Variants in PALLD observed in about 807,000 individuals in gnomAD.
The protein encoded by PALLD is palladin.
A neutral mutation model predicts 123.5 loss-of-function variants in PALLD; 61 were observed. The ratio of observed to expected loss-of-function variants is 0.49; its 90% CI spans 0.40 to 0.61. PALLD has a LOEUF of 0.61. PALLD is among the 20% of genes least tolerant of loss of function. PALLD has a pLI of 0.00. For synonymous variants in PALLD, 465 were observed against 496.4 expected (o/e 0.94, Z 0.84); for missense variants, 1,273 against 1,377.0 (o/e 0.92, Z 1.20).
At position 168,844,740 on chromosome 4, in the gene PALLD, C is replaced by T. The variant is rs987332751; in HGVS notation, c.1965-46182C>T. On this transcript the variant is annotated intron_variant, in intron 10 of 21. Coordinates refer to ENST00000505667, the MANE Select transcript of PALLD (RefSeq NM_001166108.2). The surrounding 1 kb of genome is among the most constrained non-coding windows in gnomAD (Gnocchi z 4.5). ...ACTCCAAATATTAAAAAGTTATTAACGTGCTTGAAAGTCTTTCCAAATGCT... is the reference window on the plus strand; with the variant it reads ...ACTCCAAATATTAAAAAGTTATTAATGTGCTTGAAAGTCTTTCCAAATGCT... The T allele has an allele frequency of 3.9e-5, 6 of 152,170 alleles. No individual in the cohort carries two copies. The highest frequency in any genetic ancestry group is 7.2e-5 in the African/African-American group (3 of 41,418). The allele number at this position is 152,170 out of a possible 1,614,324, so 9.4% of individuals were successfully genotyped here. A position where few individuals can be genotyped will look rare whatever the true frequency, so the allele number is the denominator to read the frequency against.
At chr4:168,557,445 A>G (rs1767438112) in intron 2 of PALLD, among the ~76,000 whole-genome samples, 1 of 152,176 alleles carries the variant, frequency 6.6e-6, no homozygotes, top group South Asian at 2.1e-4. Flanking sequence ...TCCCTATTGT[A>G]CTATTTCTTC....
intron 2 of PALLD, among the ~76,000 whole-genome samples, chr4:168,639,787 G>T (rs144161365): frequency 6.6e-6 from 1 of 151,972 alleles, no homozygotes; most frequent in African/African-American, 2.4e-5. Flanking sequence ...CTCGTGATCC[G>T]CCCGCCTCGG....
At chr4:168,623,792 A>T (rs1021004776) in intron 2 of PALLD, among the ~76,000 whole-genome samples, 1 of 152,242 alleles carries the variant, frequency 6.6e-6, no homozygotes, top group Non-Finnish European at 1.5e-5. Context: ...GTGAAACTCA[A>T]AATGAGGCTA....
chr4:168,888,934 G>A (rs1753746831), intron 10 of PALLD, among the ~76,000 whole-genome samples: 1 of 152,132 alleles, frequency 6.6e-6, no homozygotes, highest in Non-Finnish European at 1.5e-5. Flanking sequence ...AGGAGGGACG[G>A]TGGCAGAGTC....
chr4:168,780,440 G>A lies in PALLD; in HGVS notation c.1964+68517G>A, dbSNP rs1735758680. 1.3e-5 allele frequency among the ~76,000 whole-genome samples: 2 copies of A among 152,178 alleles called. 1 individual carries two copies. The highest frequency in any genetic ancestry group is 4.1e-4 in the South Asian group (2 of 4,828). On this transcript the variant is annotated intron_variant, in intron 10 of 21. Coordinates refer to ENST00000505667, the MANE Select transcript of PALLD (RefSeq NM_001166108.2). ...CACCTAGCTTTATGAAAAATGAGAGGCTAGATATTTTGCTGTTTCTTACTA... is the reference window on the plus strand; with the variant it reads ...CACCTAGCTTTATGAAAAATGAGAGACTAGATATTTTGCTGTTTCTTACTA...
chr4:168,699,551 A>C (rs886416341), intron 8 of PALLD, among the ~76,000 whole-genome samples: 1 of 151,266 alleles, frequency 6.6e-6, no homozygotes, highest in Non-Finnish European at 1.5e-5. Flanking sequence ...AAACAGTTGC[A>C]AAGGAAGCCA....
At position 168,900,355 on chromosome 4, in the gene PALLD, T is replaced by C. The variant is rs564592313; in HGVS notation, c.2472+1641T>C. Among the ~76,000 whole-genome samples the C allele has an allele frequency of 1.8e-3, 273 of 152,238 alleles. 1 individual carries two copies. Among genetic ancestry groups the C allele is most frequent in the Non-Finnish European group, 2.0e-3 (133 of 68,020 alleles). On this transcript the variant is annotated intron_variant, in intron 14 of 21. Coordinates refer to ENST00000505667, the MANE Select transcript of PALLD (RefSeq NM_001166108.2). ...CCAAGTATTGCACAATATTGAACAA[T>C]CTTAAGTAACCTCTAAAATAACTTT...
intron 10 of PALLD, among the ~76,000 whole-genome samples, chr4:168,826,340 T>G (rs1743416488): frequency 6.6e-6 from 1 of 152,194 alleles, no homozygotes; most frequent in Non-Finnish European, 1.5e-5. Context: ...GGACGGTGAA[T>G]GGATGGTGAA....
chr4:168,665,793 C>A (rs1315621528), intron 2 of PALLD, among the ~76,000 whole-genome samples: 1 of 152,230 alleles, frequency 6.6e-6, no homozygotes, highest in South Asian at 2.1e-4. Flanking sequence ...GGCCTCAGGA[C>A]CACACTTTGA....
rs1322962341 is a variant in PALLD at position 168,844,139 on chromosome 4, G to A, written c.1965-46783G>A. ...CACGTATCTGGTTGTGCAAATCAAA[G>A]AGCTTTGACAGTTTGTTTTTTGTTT... On this transcript the variant is annotated intron_variant, in intron 10 of 21. Transcript: ENST00000505667. This position sits in a 1 kb window ranked among gnomAD's most constrained non-coding sequence, Gnocchi z 4.5. 6.6e-6 allele frequency: 1 copy of A among 152,172 alleles called. No individual in the cohort carries two copies. Among genetic ancestry groups the A allele is most frequent in the Admixed American group, 6.5e-5 (1 of 15,274 alleles). The allele number at this position is 152,172 out of a possible 1,614,324, so 9.4% of individuals were successfully genotyped here. A position where few individuals can be genotyped will look rare whatever the true frequency, so the allele number is the denominator to read the frequency against.
intron 3 of PALLD, among the ~76,000 whole-genome samples, chr4:168,670,740 A>C (rs1780140116): frequency 1.3e-5 from 1 of 77,788 alleles, no homozygotes; most frequent in African/African-American, 7.8e-5. Context: ...ACTCCGTCTC[A>C]AAAAAACAAA....
chr4:168,771,105 A>G (rs1439565603), intron 10 of PALLD, among the ~76,000 whole-genome samples: 1 of 151,950 alleles, frequency 6.6e-6, no homozygotes, highest in East Asian at 1.9e-4. Context: ...TCTGAAACCC[A>G]TAATGCAAAT....
chr4:168,640,132 G>C (rs1009845958), intron 2 of PALLD, among the ~76,000 whole-genome samples: 14 of 152,128 alleles, frequency 9.2e-5, no homozygotes, highest in Admixed American at 8.5e-4. Context: ...TTTCATGCTC[G>C]TGTTTCAAGC....
chr4:168,756,299 C>A, intron 10 of PALLD: 1 of 213,890 alleles, frequency 4.7e-6, no homozygotes. Flanking sequence ...ACTCAGCAAA[C>A]CACAACAGCT....
intron 1 of PALLD, among the ~76,000 whole-genome samples, chr4:168,500,180 C>G (rs1761249051): frequency 6.6e-6 from 1 of 152,164 alleles, no homozygotes; most frequent in Non-Finnish European, 1.5e-5. Flanking sequence ...AGGTAACTTC[C>G]AAGCTGTTAT....
At chr4:168,585,305 T>C (rs1250669653) in intron 2 of PALLD, among the ~76,000 whole-genome samples, 25 of 73,744 alleles carry the variant, frequency 3.4e-4, no homozygotes, top group African/African-American at 1.4e-3. Flanking sequence ...AGTGTGAGTG[T>C]GTGTGTGTGT....
intron 10 of PALLD, among the ~76,000 whole-genome samples, chr4:168,852,590 G>A (rs571420922): frequency 6.6e-5 from 10 of 152,254 alleles, no homozygotes; most frequent in South Asian, 4.2e-4. Context: ...GCAGTGAGCC[G>A]TGACTATGCC....
chr4:168,579,482 C>T (rs761196817), intron 2 of PALLD, among the ~76,000 whole-genome samples: 5 of 151,750 alleles, frequency 3.3e-5, no homozygotes, highest in African/African-American at 7.3e-5. Context: ...TGCAATACAG[C>T]GCACAAATAT....
chr4:168,814,973 G>A (rs768717489), intron 10 of PALLD, among the ~76,000 whole-genome samples: 8 of 152,250 alleles, frequency 5.3e-5, no homozygotes, highest in Non-Finnish European at 1.2e-4. Context: ...GTTTCACCAT[G>A]TTGGCCAGGC....
Sources: allele counts gnomAD v4.1 joint callset (sites outside exome capture counted in the v4.1 genomes callset), GRCh38; gene constraint gnomAD v4.1.1; non-coding constraint Gnocchi (gnomAD v3.1); transcripts MANE v1.5; gene names NCBI Gene and HGNC (gene_info 2026-07-23, HGNC 2026-07-21).